NBEA: variants seen among roughly 807,000 people sequenced by gnomAD.
The protein encoded by NBEA is lysosomal-trafficking regulator 2.
In NBEA, 44 loss-of-function variants were observed where a neutral mutation model predicts 343.4. That is an observed-to-expected ratio of 0.13 (90% CI 0.10 to 0.16). The LOEUF is 0.16. Ranked by LOEUF, NBEA falls within the 10% of genes least tolerant of loss-of-function variation. The probability of loss-of-function intolerance (pLI) is 1.00; values close to 1 mark genes in which losing one functional copy is unlikely to be tolerated. For synonymous variants in NBEA, 1,175 were observed against 1,238.7 expected (o/e 0.95, Z 1.08); for missense variants, 2,555 against 3,631.3 (o/e 0.70, Z 7.62).
chr13:35,010,540 C>G (rs2152532615), intron 1 of NBEA, among the ~76,000 whole-genome samples: 1 of 139,066 alleles, frequency 7.2e-6, no homozygotes, highest in South Asian at 2.3e-4. Context: ...GAGATTGTGC[C>G]ACTGCATTCC....
chr13:35,093,637 G>C (rs1014362624), intron 10 of NBEA, among the ~76,000 whole-genome samples: 5 of 151,952 alleles, frequency 3.3e-5, no homozygotes, highest in Non-Finnish European at 5.9e-5. Flanking sequence ...AAATAGTTAA[G>C]ATCATCCATG....
intron 44 of NBEA, among the ~76,000 whole-genome samples, chr13:35,560,967 T>C (rs1298232868): frequency 6.6e-6 from 1 of 152,174 alleles, no homozygotes; most frequent in Non-Finnish European, 1.5e-5. Flanking sequence ...TCTGATTCAG[T>C]AGGCTTGGAT....
At chr13:35,104,568 G>C (rs1360531602) in intron 11 of NBEA, among the ~76,000 whole-genome samples, 1 of 151,800 alleles carries the variant, frequency 6.6e-6, no homozygotes, top group South Asian at 2.1e-4. Context: ...CTCACATTTT[G>C]TTATTTTTAA....
At chr13:35,371,936 G>T (rs1211392991) in intron 38 of NBEA, among the ~76,000 whole-genome samples, 2 of 152,170 alleles carry the variant, frequency 1.3e-5, no homozygotes, top group African/African-American at 4.8e-5. Context: ...TGTGGAGGCT[G>T]TAGTAAAGTT....
intron 45 of NBEA, among the ~76,000 whole-genome samples, chr13:35,569,080 T>C (rs573233807): frequency 6.6e-6 from 1 of 152,326 alleles, no homozygotes; most frequent in East Asian, 1.9e-4. Context: ...GCTAATGCTA[T>C]GTATATGACA....
intron 38 of NBEA, among the ~76,000 whole-genome samples, chr13:35,412,064 G>C (rs2043620645): frequency 6.6e-6 from 1 of 152,090 alleles, no homozygotes; most frequent in Non-Finnish European, 1.5e-5. Flanking sequence ...GTTCAGACAT[G>C]TAGCAAGTTA....
chr13:35,229,558 C>T (rs1445983660), intron 33 of NBEA, among the ~76,000 whole-genome samples: 1 of 152,052 alleles, frequency 6.6e-6, no homozygotes, highest in East Asian at 1.9e-4. Context: ...GCTTTTCTCA[C>T]ATTAACATAG....
intron 13 of NBEA, among the ~76,000 whole-genome samples, chr13:35,112,885 T>C (rs796302042): frequency 2.1e-4 from 32 of 152,304 alleles, no homozygotes; most frequent in African/African-American, 7.0e-4. Context: ...AAAGGCACTT[T>C]GTTAAATAAC....
At chr13:35,317,586 G>A (rs1014298239) in intron 36 of NBEA, among the ~76,000 whole-genome samples, 16 of 152,016 alleles carry the variant, frequency 1.1e-4, no homozygotes, top group Non-Finnish European at 2.1e-4. Context: ...TTGGCTATAC[G>A]GGCTCTTTTT....
intron 40 of NBEA, among the ~76,000 whole-genome samples, chr13:35,467,757 T>C (rs1222830103): frequency 6.6e-6 from 1 of 152,214 alleles, no homozygotes; most frequent in Non-Finnish European, 1.5e-5. Flanking sequence ...ATATTTTACA[T>C]GTTCTAAAAG....
At chr13:35,239,104 A>G (rs946478344) in intron 34 of NBEA, among the ~76,000 whole-genome samples, 6 of 152,182 alleles carry the variant, frequency 3.9e-5, no homozygotes, top group Non-Finnish European at 7.4e-5. Context: ...GGGTAAATGG[A>G]AAATGCTGGC....
In NBEA at chr13:35,567,136, T is replaced by G. The variant is rs1037874295; in HGVS notation, c.7035+119T>G. On this transcript the variant is annotated intron_variant, in intron 45 of 58. Coordinates refer to ENST00000379939, the MANE Select transcript of NBEA (RefSeq NM_001385012.1). ...AGAAGGTGAAACTGATTATCTTGAC[T>G]TACATAGTCAGTTTCTAAATCTTAC... is the stretch of plus-strand genomic sequence containing the variant. 5.7e-6 allele frequency: 3 copies of G among 525,356 alleles called. No homozygotes were observed. In the African/African-American group the frequency reaches 5.8e-5, roughly 10 times the overall value. The allele number at this position is 525,356 out of a possible 1,614,324, so 32.5% of individuals were successfully genotyped here. A position where few individuals can be genotyped will look rare whatever the true frequency, so the allele number is the denominator to read the frequency against.
intron 44 of NBEA, among the ~76,000 whole-genome samples, chr13:35,558,282 A>G (rs2079677503): frequency 6.6e-6 from 1 of 152,174 alleles, no homozygotes; most frequent in Non-Finnish European, 1.5e-5. Flanking sequence ...AATTGTGTAC[A>G]ATTTTATAAT....
chr13:35,186,080 G>C (rs915479296), intron 30 of NBEA: 3 of 152,072 alleles, frequency 2.0e-5, no homozygotes, highest in Admixed American at 2.0e-4. Context: ...GAGGAGAGAG[G>C]ATAGCTTGAG....
chr13:35,129,112 A>C (rs2067280366), intron 17 of NBEA, among the ~76,000 whole-genome samples: 1 of 151,774 alleles, frequency 6.6e-6, no homozygotes, highest in Non-Finnish European at 1.5e-5. Context: ...CTAATGTTAA[A>C]TGATGAGTTA....
chr13:35,661,780 CT>C (rs2085102576), intron 55 of NBEA, among the ~76,000 whole-genome samples: 1 of 152,196 alleles, frequency 6.6e-6, no homozygotes, highest in African/African-American at 2.4e-5. Flanking sequence ...GGGATTTTAA[CT>C]TTCAAAACTC....
chr13:35,194,956 G>T (rs1043788120), intron 30 of NBEA, among the ~76,000 whole-genome samples: 2 of 151,840 alleles, frequency 1.3e-5, no homozygotes, highest in Non-Finnish European at 2.9e-5. Context: ...CCAAAATATA[G>T]GCCTTGTCCT....
intron 48 of NBEA, among the ~76,000 whole-genome samples, chr13:35,608,232 T>C (rs531793633): frequency 6.6e-6 from 1 of 152,334 alleles, no homozygotes; most frequent in East Asian, 1.9e-4. Flanking sequence ...ATAAGTCTTA[T>C]TGCCAATCTC....
intron 20 of NBEA, among the ~76,000 whole-genome samples, chr13:35,156,542 C>G (rs996821192): frequency 6.6e-6 from 1 of 152,118 alleles, no homozygotes; most frequent in Non-Finnish European, 1.5e-5. Context: ...CCATTTTCAT[C>G]TATGCTTTCC....
Sources: allele counts gnomAD v4.1 joint callset (sites outside exome capture counted in the v4.1 genomes callset), GRCh38; gene constraint gnomAD v4.1.1; transcripts MANE v1.5; gene names NCBI Gene and HGNC (gene_info 2026-07-23, HGNC 2026-07-21).